Variants in TMEM108 observed in about 807,000 individuals in gnomAD.
TMEM108 encodes transmembrane protein 108, also known as cancer/testis antigen 124.
Under a neutral mutation model 35.1 loss-of-function variants are expected in TMEM108, and 12 were observed. That is an observed-to-expected ratio of 0.34 (90% CI 0.22 to 0.55). The LOEUF (loss-of-function observed/expected upper bound fraction) is 0.55. Ranked by LOEUF, TMEM108 falls within the 20% of genes least tolerant of loss-of-function variation. The pLI is 0.89. For synonymous variants in TMEM108, 287 were observed against 308.6 expected (o/e 0.93, Z 0.73); for missense variants, 680 against 753.3 (o/e 0.90, Z 1.14).
chr3:133,185,805 A>C (rs1945412325), intron 2 of TMEM108, among the ~76,000 whole-genome samples: 1 of 103,866 alleles, frequency 9.6e-6, no homozygotes, highest in Non-Finnish European at 2.1e-5. Context: ...TTTTTGAGAC[A>C]GAGTCTTGCT....
intron 3 of TMEM108, among the ~76,000 whole-genome samples, chr3:133,278,578 C>T (rs963656079): frequency 5.3e-5 from 8 of 152,136 alleles, no homozygotes; most frequent in Admixed American, 1.3e-4. Context: ...CAAACCTGTA[C>T]GGCATGTTAC....
At chr3:133,060,644 A>C (rs1338260458) in intron 2 of TMEM108, among the ~76,000 whole-genome samples, 1 of 152,206 alleles carries the variant, frequency 6.6e-6, no homozygotes, top group African/African-American at 2.4e-5. Flanking sequence ...GAATTTGTCC[A>C]CCAATTCAAC....
intron 2 of TMEM108, among the ~76,000 whole-genome samples, chr3:133,180,401 C>T (rs1021912448): frequency 1.7e-4 from 26 of 152,024 alleles, no homozygotes; most frequent in African/African-American, 6.0e-4. Flanking sequence ...GGCCTCAAGT[C>T]CCAATCAATT....
At position 133,229,272 on chromosome 3, in the gene TMEM108, T is replaced by C. The variant is rs1162487251; in HGVS notation, c.-40T>C. The C allele has an allele frequency of 6.2e-7, 1 of 1,600,094 alleles. No individual in the cohort carries two copies. The highest frequency in any genetic ancestry group is 1.3e-5 in the African/African-American group (1 of 74,306). On this transcript the variant is annotated 5_prime_UTR_variant, in exon 3 of 6. Coordinates refer to ENST00000321871, the MANE Select transcript of TMEM108 (RefSeq NM_023943.4). ...TCTTCTCCCAATTTCCTAGACAGAA[T>C]CATGAATAAACTGGAGGATAAGCAG...
intron 3 of TMEM108, among the ~76,000 whole-genome samples, chr3:133,284,411 C>A (rs1032570464): frequency 6.6e-6 from 1 of 152,228 alleles, no homozygotes; most frequent in East Asian, 1.9e-4. Flanking sequence ...AGTGCTTAGG[C>A]CTCCCACCTG....
At chr3:133,149,333 C>T (rs1474283018) in intron 2 of TMEM108, among the ~76,000 whole-genome samples, 1 of 152,136 alleles carries the variant, frequency 6.6e-6, no homozygotes, top group African/African-American at 2.4e-5. Context: ...AATTAACATC[C>T]ATCACCTCAT....
At chr3:133,141,143 C>T (rs1944635528) in intron 2 of TMEM108, among the ~76,000 whole-genome samples, 1 of 152,122 alleles carries the variant, frequency 6.6e-6, no homozygotes, top group South Asian at 2.1e-4. Context: ...GATCTTGAGG[C>T]CAAATAGTCT....
At chr3:133,366,127 C>T (rs1348272148) in intron 3 of TMEM108, among the ~76,000 whole-genome samples, 2 of 152,160 alleles carry the variant, frequency 1.3e-5, no homozygotes, top group African/African-American at 4.8e-5. Flanking sequence ...AGTATCAAAT[C>T]AGTTTTTGGG....
At chr3:133,251,906 G>A (rs1380154459) in intron 3 of TMEM108, among the ~76,000 whole-genome samples, 2 of 152,146 alleles carry the variant, frequency 1.3e-5, no homozygotes, top group African/African-American at 2.4e-5. Context: ...AGACTGTCAA[G>A]CATTGGATTT....
chr3:133,360,908 A>G (rs368103731), intron 3 of TMEM108, among the ~76,000 whole-genome samples: 8 of 152,324 alleles, frequency 5.3e-5, no homozygotes, highest in East Asian at 1.9e-4. Context: ...CCTGATTAAA[A>G]TACTATTATG....
intron 2 of TMEM108, among the ~76,000 whole-genome samples, chr3:133,217,687 C>A (rs936277448): frequency 2.0e-5 from 3 of 151,968 alleles, no homozygotes; most frequent in African/African-American, 7.2e-5. Context: ...AAGAGATTGT[C>A]CTTTCCCTGT....
At chr3:133,360,076 G>T (rs1366454666) in intron 3 of TMEM108, among the ~76,000 whole-genome samples, 1 of 149,780 alleles carries the variant, frequency 6.7e-6, no homozygotes, top group Non-Finnish European at 1.5e-5. Flanking sequence ...CAGATGTTAG[G>T]CTTGGTGAAA....
rs150314296 is a variant in TMEM108 at position 133,373,830 on chromosome 3, G to A, written c.41-5922G>A. 6.7e-3 allele frequency among the ~76,000 whole-genome samples: 1,015 copies of A among 152,314 alleles called. 8 individuals are homozygous for A. The highest frequency in any genetic ancestry group is 0.022 in the African/African-American group (917 of 41,548). On this transcript the variant is annotated intron_variant, in intron 3 of 5. Coordinates refer to ENST00000321871, the MANE Select transcript of TMEM108 (RefSeq NM_023943.4). ...ATAGAAACCAAAACAGTGGCTTAAAGCAGTAACAATCATTTATTTTGTTCA... is the reference window on the plus strand; with the variant it reads ...ATAGAAACCAAAACAGTGGCTTAAAACAGTAACAATCATTTATTTTGTTCA...
chr3:133,338,674 G>A (rs2071572514), intron 3 of TMEM108, among the ~76,000 whole-genome samples: 1 of 152,078 alleles, frequency 6.6e-6, no homozygotes, highest in Non-Finnish European at 1.5e-5. Flanking sequence ...CACTATAACT[G>A]TGGTGTGTAA....
intron 3 of TMEM108, among the ~76,000 whole-genome samples, chr3:133,243,353 A>T (rs1456205000): frequency 2.6e-5 from 4 of 152,126 alleles, no homozygotes; most frequent in Non-Finnish European, 2.9e-5. Flanking sequence ...AACGTTCTTT[A>T]ATTGATGTTA....
intron 2 of TMEM108, among the ~76,000 whole-genome samples, chr3:133,210,951 A>G (rs1339482834): frequency 1.3e-5 from 2 of 152,200 alleles, no homozygotes; most frequent in East Asian, 3.8e-4. Flanking sequence ...TATTAAAACC[A>G]TCTTTATACT....
At chr3:133,157,173 C>T (rs1414166522) in intron 2 of TMEM108, among the ~76,000 whole-genome samples, 1 of 152,148 alleles carries the variant, frequency 6.6e-6, no homozygotes, top group Non-Finnish European at 1.5e-5. Context: ...AATATCTTTG[C>T]TACCGTTTTT....
At chr3:133,230,623 C>T (rs748199799) in intron 3 of TMEM108, among the ~76,000 whole-genome samples, 2 of 152,166 alleles carry the variant, frequency 1.3e-5, no homozygotes, top group Non-Finnish European at 2.9e-5. Context: ...TACACACATA[C>T]ACACATACCC....
At chr3:133,095,986 T>G (rs955756731) in intron 2 of TMEM108, among the ~76,000 whole-genome samples, 1 of 152,196 alleles carries the variant, frequency 6.6e-6, no homozygotes, top group Non-Finnish European at 1.5e-5. Flanking sequence ...AGCAGCGTTT[T>G]AATTTTTGCT....
Sources: allele counts gnomAD v4.1 joint callset (sites outside exome capture counted in the v4.1 genomes callset), GRCh38; gene constraint gnomAD v4.1.1; transcripts MANE v1.5; gene names NCBI Gene and HGNC (gene_info 2026-07-23, HGNC 2026-07-21).